Variants in SIPA1L1 observed in about 807,000 individuals in gnomAD.
SIPA1L1 encodes the protein signal induced proliferation associated 1 like 1.
A neutral mutation model predicts 162.7 loss-of-function variants in SIPA1L1; 26 were observed. That is an observed-to-expected ratio of 0.16 (90% CI 0.12 to 0.22). The LOEUF is 0.22. Among genes scored for constraint, SIPA1L1 ranks in the 10% least tolerant of loss-of-function variants. The pLI is 1.00. For missense variants in SIPA1L1, 1,874 were observed against 2,241.0 expected (o/e 0.84, Z 3.31); for synonymous variants, 829 against 837.4 (o/e 0.99, Z 0.17).
intron 3 of SIPA1L1, among the ~76,000 whole-genome samples, chr14:71,521,040 C>T (rs1478746338): frequency 6.6e-6 from 1 of 152,188 alleles, no homozygotes; most frequent in Non-Finnish European, 1.5e-5. Context: ...AGGTGTGAGC[C>T]AGTGTGCCCA....
chr14:71,603,057 T>C (rs2036980346), intron 5 of SIPA1L1, among the ~76,000 whole-genome samples: 1 of 152,220 alleles, frequency 6.6e-6, no homozygotes, highest in South Asian at 2.1e-4. Flanking sequence ...CAGATATGTT[T>C]AGAATTGTTA....
chr14:71,482,980 ATTC>A (rs151030511), intron 2 of SIPA1L1, among the ~76,000 whole-genome samples: 2,102 of 152,308 alleles, frequency 0.014, 46 homozygotes, highest in African/African-American at 0.049. Context: ...CTTGGGTGGT[ATTC>A]TTCTTTTTTA....
intron 1 of SIPA1L1, among the ~76,000 whole-genome samples, chr14:71,320,710 C>G (rs929701794): frequency 9.9e-5 from 15 of 150,856 alleles, no homozygotes; most frequent in South Asian, 6.3e-4. Flanking sequence ...TCATCCCCCC[C>G]CCGGCAACCT....
At chr14:71,705,049 A>G in intron 15 of SIPA1L1, 173 bp from the exon 16 acceptor site, 1 of 625,098 alleles carries the variant, frequency 1.6e-6, no homozygotes, top group Non-Finnish European at 2.8e-6. Context: ...TCCATCAGCC[A>G]CTTAAGTTTC....
Position 71,685,580 on chromosome 14 carries a change from C to T in SIPA1L1, c.3323C>T (p.Ala1108Val). The T allele has an allele frequency of 6.2e-7, 1 of 1,614,166 alleles. No individual in the cohort carries two copies. ...GGGAAGATGCCTCCTCCAGAAAGAG[C>T]CGCCAACATCCCTCGAAGCATCTCC... Reference protein sequence around the residue: ...GDGKMPPPERAANIPRSISSD... With the variant: ...GDGKMPPPERVANIPRSISSD... Residue 1108 changes from alanine to valine, a missense_variant, in exon 13 of 24, where the codon GCC (alanine) becomes GTC (valine). Physicochemically the swap from Ala to Val is moderately conservative, Grantham distance 64. Coordinates refer to ENST00000381232, the MANE Select transcript of SIPA1L1 (RefSeq NM_001386936.1).
chr14:71,464,043 T>TA (rs1384363332), intron 2 of SIPA1L1, among the ~76,000 whole-genome samples: 2 of 152,216 alleles, frequency 1.3e-5, no homozygotes, highest in Non-Finnish European at 2.9e-5. Context: ...AGATCTGACA[T>TA]ACAGAGAAGA....
intron 2 of SIPA1L1, among the ~76,000 whole-genome samples, chr14:71,359,952 G>A (rs2037642350): frequency 1.3e-5 from 2 of 152,144 alleles, no homozygotes; most frequent in African/African-American, 4.8e-5. Flanking sequence ...AAAGGTTTTT[G>A]TTGTCAACAT....
At position 71,672,531 on chromosome 14, in the gene SIPA1L1, C is replaced by G; in HGVS notation, c.3013C>G (p.Leu1005Val). Residue 1005 changes from leucine (L) to valine (V), a missense_variant, in exon 12 of 24, where the codon CTG becomes GTG. By Grantham distance (32) the Leu-to-Val change is conservative. This residue lies in a region of SIPA1L1 where 936 missense variants were observed against 1,051.9 expected (regional missense o/e 0.89). Coordinates refer to ENST00000381232, the MANE Select transcript of SIPA1L1 (RefSeq NM_001386936.1). ...GATCTGCAAGGTGGCGGTAGCCACT[C>G]TGAGCCATGAGCAGATGATCGACCT... is the stretch of plus-strand genomic sequence containing the variant. ...VEICKVAVAT[L>V]SHEQMIDLLR... 1 of 1,613,878 alleles carries G rather than the reference C, an allele frequency of 6.2e-7. No homozygotes were observed. The highest frequency in any genetic ancestry group is 2.2e-5 in the East Asian group (1 of 44,860).
chr14:71,691,180 C>A (rs2081229535), intron 13 of SIPA1L1, among the ~76,000 whole-genome samples: 1 of 152,216 alleles, frequency 6.6e-6, no homozygotes, highest in South Asian at 2.1e-4. Context: ...TGATTACCAG[C>A]CTCCCACTGG....
At chr14:71,381,877 C>A (rs2039934090) in intron 2 of SIPA1L1, among the ~76,000 whole-genome samples, 1 of 151,998 alleles carries the variant, frequency 6.6e-6, no homozygotes, top group East Asian at 1.9e-4. Context: ...TCCATGATAC[C>A]CATTGTGATA....
At chr14:71,593,495 G>A (rs1012471915) in intron 5 of SIPA1L1, among the ~76,000 whole-genome samples, 8 of 152,102 alleles carry the variant, frequency 5.3e-5, no homozygotes, top group Non-Finnish European at 1.2e-4. Flanking sequence ...ACAAGCGTGA[G>A]CCACCGTACC....
intron 17 of SIPA1L1, among the ~76,000 whole-genome samples, chr14:71,712,527 GA>G (rs200536336): frequency 4.1e-5 from 6 of 147,128 alleles, no homozygotes; most frequent in African/African-American, 5.0e-5. Flanking sequence ...ATGAACCACT[GA>G]AAAAAAAAAG....
At chr14:71,610,641 A>T (rs928847004) in intron 5 of SIPA1L1, among the ~76,000 whole-genome samples, 1 of 152,178 alleles carries the variant, frequency 6.6e-6, no homozygotes, top group Non-Finnish European at 1.5e-5. Context: ...CTCTTTATTT[A>T]AAAATAATTT....
chr14:71,665,846 C>G (rs544209407), intron 10 of SIPA1L1, among the ~76,000 whole-genome samples: 1 of 152,180 alleles, frequency 6.6e-6, no homozygotes, highest in East Asian at 1.9e-4. Flanking sequence ...AATATATTAA[C>G]AGTAATTAAT....
At position 71,377,745 on chromosome 14, in the gene SIPA1L1, C is replaced by T. The variant is rs1461418696; in HGVS notation, c.-465+56564C>T. 6.6e-6 allele frequency among the ~76,000 whole-genome samples: 1 copy of T among 152,214 alleles called. No individual in the cohort carries two copies. Among genetic ancestry groups the T allele is most frequent in the Non-Finnish European group, 1.5e-5 (1 of 68,042 alleles). ...ATCCTGGCACCTCGGGAGGCCGAGG[C>T]GGGCAGATCACCCGAGTTCAGGAGC... is the stretch of plus-strand genomic sequence containing the variant. On this transcript the variant is annotated intron_variant, in intron 2 of 23. Coordinates refer to ENST00000381232, the MANE Select transcript of SIPA1L1 (RefSeq NM_001386936.1). This position sits in a 1 kb window ranked among gnomAD's most constrained non-coding sequence, Gnocchi z 4.8.
chr14:71,558,672 T>A (rs1174158574), intron 4 of SIPA1L1, among the ~76,000 whole-genome samples: 1 of 152,168 alleles, frequency 6.6e-6, no homozygotes, highest in African/African-American at 2.4e-5. Flanking sequence ...CTCTTTTTAA[T>A]TTCCTGAAGC....
chr14:71,690,979 G>A (rs983316454), intron 13 of SIPA1L1, among the ~76,000 whole-genome samples: 3 of 152,060 alleles, frequency 2.0e-5, no homozygotes, highest in Admixed American at 6.5e-5. Context: ...CTTCCGTCTC[G>A]TGTGTTACCC....
chr14:71,604,267 C>T (rs1337526828), intron 5 of SIPA1L1, among the ~76,000 whole-genome samples: 2 of 151,924 alleles, frequency 1.3e-5, no homozygotes, highest in Non-Finnish European at 1.5e-5. Flanking sequence ...AGTGCTAGAA[C>T]AATATAGGTT....
At position 71,443,374 on chromosome 14, in the gene SIPA1L1, T is replaced by C. The variant is rs534403040; in HGVS notation, c.-464-69369T>C. Among the ~76,000 whole-genome samples, 3 of 152,308 alleles carry C rather than the reference T, an allele frequency of 2.0e-5. No homozygotes were observed. In the East Asian group the frequency reaches 5.8e-4, roughly 29 times the overall value. ...TTGGGGCTAATCAATACACGAATTC[T>C]GGAAACTGGTAATATTTAATCATTG... On this transcript the variant is annotated intron_variant, in intron 2 of 23. Transcript: ENST00000381232.
Sources: gnomAD v4.1 joint callset for allele counts (sites outside exome capture counted in the v4.1 genomes callset) on GRCh38, gnomAD v4.1.1 for gene constraint, gnomAD v4.1.1 regional missense constraint, Gnocchi (gnomAD v3.1) non-coding constraint, MANE v1.5 for transcripts, NCBI Gene and HGNC (gene_info 2026-07-23, HGNC 2026-07-21) for gene names.